ATG16L1: variants seen among roughly 807,000 people sequenced by gnomAD.
The protein encoded by ATG16L1 is autophagy related 16 like 1, also known as autophagy-related protein 16-1.
Under a neutral mutation model 88.5 loss-of-function variants are expected in ATG16L1, and 37 were observed. That is an observed-to-expected ratio of 0.42 (90% confidence interval 0.32 to 0.55). The LOEUF (loss-of-function observed/expected upper bound fraction) is 0.55. Ranked by LOEUF, ATG16L1 falls within the 20% of genes least tolerant of loss-of-function variation. The pLI, the probability that ATG16L1 is intolerant of heterozygous loss-of-function variation, is 0.13. For synonymous variants in ATG16L1, 301 were observed against 281.0 expected, an observed-to-expected ratio of 1.07 and a Z score of -0.71; for missense variants, 554 against 752.8, an observed-to-expected ratio of 0.74 and a Z score of 3.09.
chr2:233,276,712 T>TG (rs1360174654), intron 9 of ATG16L1, among the ~76,000 whole-genome samples: 1 of 152,146 alleles, frequency 6.6e-6, no homozygotes. Flanking sequence ...CCTGAGCTCA[T>TG]GCGATCTGCC....
chr2:233,253,130 T>C (rs1157550511), intron 1 of ATG16L1, among the ~76,000 whole-genome samples: 2 of 152,182 alleles, frequency 1.3e-5, no homozygotes, highest in Non-Finnish European at 2.9e-5. Flanking sequence ...TGCCAAGTTA[T>C]CAGTGTTTTT....
Position 233,253,340 on chromosome 2 carries a change from GT to G in ATG16L1, c.115+1419del, listed in dbSNP as rs56151049. On this transcript the variant is annotated intron_variant, in intron 1 of 17. Coordinates refer to ENST00000392017, the MANE Select transcript of ATG16L1 (RefSeq NM_030803.7). ...GTTAATGGTGAGACTGGGTTTTTTTGTTTTTTTTTTTTTTTTTTTTTGGAGA... is the reference window on the plus strand; with the variant it reads ...GTTAATGGTGAGACTGGGTTTTTTTGTTTTTTTTTTTTTTTTTTTTGGAGA... Among the ~76,000 whole-genome samples the G allele has an allele frequency of 9.6e-3, 1,039 of 108,550 alleles. 6 individuals are homozygous for G. Among genetic ancestry groups the G allele is most frequent in the African/African-American group, 0.035 (966 of 27,552 alleles). 71.2% of individuals were successfully genotyped at this position (108,550 alleles called of 152,430 possible).
chr2:233,273,078 A>T, intron 7 of ATG16L1, 26 bp downstream of exon 7: 1 of 1,590,000 alleles, frequency 6.3e-7, no homozygotes, highest in Non-Finnish European at 8.6e-7. Flanking sequence ...TGGGCCAGGG[A>T]AAAGACAGCT....
chr2:233,267,912 G>A (rs1023862397), intron 5 of ATG16L1, among the ~76,000 whole-genome samples: 22 of 152,326 alleles, frequency 1.4e-4, no homozygotes, highest in Middle Eastern at 3.4e-3. Flanking sequence ...GAGGTATCAT[G>A]TGATTGCAGA....
At chr2:233,253,376 GCTCTGTCAC>G (rs1368062320) in intron 1 of ATG16L1, among the ~76,000 whole-genome samples, 1 of 107,516 alleles carries the variant, frequency 9.3e-6, no homozygotes, top group Non-Finnish European at 1.7e-5. Flanking sequence ...ACAGAGTCTT[GCTCTGTCAC>G]CTAGGCTGGA....
intron 2 of ATG16L1, among the ~76,000 whole-genome samples, chr2:233,259,493 A>T (rs1043745434): frequency 6.6e-6 from 1 of 152,170 alleles, no homozygotes; most frequent in African/African-American, 2.4e-5. Flanking sequence ...ACAGTCAGTT[A>T]TTATTTATAA....
chr2:233,258,287 T>G (rs1363175983), intron 2 of ATG16L1, among the ~76,000 whole-genome samples: 1 of 152,200 alleles, frequency 6.6e-6, no homozygotes, highest in African/African-American at 2.4e-5. Flanking sequence ...ATTTATGGTG[T>G]CTAGAAATGG....
At chr2:233,294,128 T>A (rs1235636080) in intron 17 of ATG16L1, 129 bp from the exon 18 acceptor site, 1 of 669,466 alleles carries the variant, frequency 1.5e-6, no homozygotes, top group African/African-American at 1.8e-5. Flanking sequence ...GCGGGCACAG[T>A]GCCAGAGAGT....
chr2:233,274,844 G>T, intron 9 of ATG16L1, 66 bp downstream of exon 9: 1 of 1,193,118 alleles, frequency 8.4e-7, no homozygotes. Flanking sequence ...CAATTAAAGG[G>T]TCCTTTCTAG....
intron 5 of ATG16L1, among the ~76,000 whole-genome samples, chr2:233,268,100 C>G (rs1347045487): frequency 6.6e-6 from 1 of 152,204 alleles, no homozygotes; most frequent in African/African-American, 2.4e-5. Context: ...GCTCTTCACA[C>G]TCTGCCTCCT....
intron 10 of ATG16L1, among the ~76,000 whole-genome samples, 153 bp downstream of exon 10, chr2:233,277,826 C>T (rs113085490): frequency 4.9e-4 from 75 of 152,274 alleles, no homozygotes; most frequent in African/African-American, 1.6e-3. Context: ...TGTAAGGGAT[C>T]GTTTGACCAA....
intron 7 of ATG16L1, 156 bp from the exon 8 acceptor site, chr2:233,273,565 C>T (rs1698132376): frequency 3.2e-6 from 2 of 626,068 alleles, no homozygotes; most frequent in Middle Eastern, 2.8e-4. Context: ...CCACTGTTTT[C>T]TGGCAGTTTG....
intron 1 of ATG16L1, among the ~76,000 whole-genome samples, chr2:233,252,216 T>TA (rs1696422740): frequency 6.6e-6 from 1 of 152,276 alleles, no homozygotes; most frequent in African/African-American, 2.4e-5. Flanking sequence ...ATACAATGCT[T>TA]ATGCACTTAA....
intron 12 of ATG16L1, among the ~76,000 whole-genome samples, chr2:233,284,930 A>G (rs955030008): frequency 6.6e-6 from 1 of 152,246 alleles, no homozygotes; most frequent in African/African-American, 2.4e-5. Context: ...CAATTTAAAG[A>G]AGATCCAGGT....
chr2:233,277,608 C>G lies in ATG16L1; in HGVS notation c.995C>G (p.Pro332Arg). 1 of 1,614,090 alleles carries G rather than the reference C, an allele frequency of 6.2e-7. No homozygotes were observed. Among genetic ancestry groups the G allele is most frequent in the Non-Finnish European group, 8.5e-7 (1 of 1,179,962 alleles). ...DGEVNAVQFS[P>R]GSRLLATGGM... ...GAAGTCAACGCTGTGCAGTTCAGTC[C>G]AGGTTCCCGGTTACTGGCCACTGGA... is the stretch of plus-strand genomic sequence containing the variant. The change falls in exon 10 of 18, where the codon CCA (proline) becomes CGA (arginine). Residue 332 changes from proline to arginine, a missense_variant. Physicochemically the swap from Pro to Arg is moderately radical, Grantham distance 103. Transcript: ENST00000392017.
chr2:233,263,116 G>T lies in ATG16L1; in HGVS notation c.210-14G>T. The T allele has an allele frequency of 6.2e-7, 1 of 1,612,374 alleles. No homozygotes were observed. The highest frequency in any genetic ancestry group is 8.5e-7 in the Non-Finnish European group (1 of 1,178,670). On this transcript the variant is annotated splice_polypyrimidine_tract_variant and intron_variant, in intron 2 of 17. Coordinates refer to ENST00000392017, the MANE Select transcript of ATG16L1 (RefSeq NM_030803.7). ...TTTGCACATTCTCTTCATCTGCCTG[G>T]TTTGCCAATTTAGTCCCGGACATGA... is the stretch of plus-strand genomic sequence containing the variant.
intron 17 of ATG16L1, 27 bp downstream of exon 17, chr2:233,293,384 C>T (rs180814458): frequency 1.8e-5 from 28 of 1,596,636 alleles, no homozygotes; most frequent in East Asian, 4.5e-5. Context: ...CTCAGCCCCC[C>T]GTTGCGTTGT....
intron 2 of ATG16L1, among the ~76,000 whole-genome samples, chr2:233,257,019 TTTTG>T (rs1275566290): frequency 4.2e-5 from 1 of 23,628 alleles, no homozygotes; most frequent in Non-Finnish European, 1.3e-4. Context: ...ATTTTTTTTG[TTTTG>T]TTTTGTTTTG....
rs181155831 is a variant in ATG16L1, at chr2:233,269,909, T to C, written c.642-93T>C. ...GTTGTTATTTTACATGCACTGAATG[T>C]GTTATTAGAACTGGTGGCTTCTAGA... On this transcript the variant is annotated intron_variant, in intron 5 of 17. Transcript: ENST00000392017. The C allele has an allele frequency of 1.9e-5, 24 of 1,258,676 alleles. 1 individual carries two copies. 78.0% of individuals were successfully genotyped at this position (1,258,676 alleles called of 1,614,324 possible).
Sources: gnomAD v4.1 joint callset for allele counts (sites outside exome capture counted in the v4.1 genomes callset) on GRCh38, gnomAD v4.1.1 for gene constraint, MANE v1.5 for transcripts, NCBI Gene and HGNC (gene_info 2026-07-23, HGNC 2026-07-21) for gene names.